ADAMTS12: variants seen among roughly 807,000 people sequenced by gnomAD.
ADAMTS12 encodes the protein A disintegrin and metalloproteinase with thrombospondin motifs 12.
Under a neutral mutation model 167.8 loss-of-function variants are expected in ADAMTS12, and 118 were observed. The ratio of observed to expected loss-of-function variants is 0.70; its 90% CI spans 0.61 to 0.82. ADAMTS12 has a LOEUF of 0.82. Among genes scored for constraint, ADAMTS12 ranks in the 40% least tolerant of loss-of-function variants. The pLI is 0.00. For missense variants in ADAMTS12, 1,916 were observed against 1,998.8 expected (o/e 0.96, Z 0.79); for synonymous variants, 704 against 716.9 (o/e 0.98, Z 0.29).
rs146681965 is a variant in ADAMTS12, at chr5:33,577,088, C to A, written c.2938G>T (p.Asp980Tyr). 180 of 1,614,072 alleles carry A rather than the reference C, an allele frequency of 1.1e-4. No individual in the cohort carries two copies. The highest frequency in any genetic ancestry group is 1.4e-4 in the Non-Finnish European group (164 of 1,180,026). Residue 980 changes from aspartate to tyrosine, a missense_variant, in exon 19 of 24, where the codon GAT becomes TAT. By Grantham distance (160) the Asp-to-Tyr change is radical. Coordinates refer to ENST00000504830, the MANE Select transcript of ADAMTS12 (RefSeq NM_030955.4). The part of the protein sequence containing the change: ...TCAKNHDEPC[D>Y]VTRKPNSRAL... Reference sequence around the variant, plus strand: ...CGGCTGTTGGGTTTCCTTGTCACATCGCAAGGTTCATCATGGTTCTTGGCA... The same window carrying A: ...CGGCTGTTGGGTTTCCTTGTCACATAGCAAGGTTCATCATGGTTCTTGGCA...
At position 33,597,083 on chromosome 5, in the gene ADAMTS12, C is replaced by A. The variant is rs778489921; in HGVS notation, c.2528-1023G>T. Among the ~76,000 whole-genome samples the A allele has an allele frequency of 3.9e-5, 6 of 152,242 alleles. No individual in the cohort carries two copies. The South Asian group carries it at 6.2e-4, about 16-fold the overall frequency. On this transcript the variant is annotated intron_variant, in intron 16 of 23. Coordinates refer to ENST00000504830, the MANE Select transcript of ADAMTS12 (RefSeq NM_030955.4). ...AAACCTCTCAACAACCCAATGAAAT[C>A]AGCACCGTCATTATCATTATCTGAC...
Position 33,881,118 on chromosome 5 carries a change from C to A in ADAMTS12, c.489+1G>T, listed in dbSNP as rs1561325366. On this transcript the variant is annotated splice_donor_variant, in intron 2 of 23. Coordinates refer to ENST00000504830, the MANE Select transcript of ADAMTS12 (RefSeq NM_030955.4). LOFTEE classifies it high-confidence loss of function. ...AAGGAGATGCCAGAGCCCACACTCA[C>A]CAGTCCATGGCAGGCACTGAGGGCT... 1 of 1,612,424 alleles carries A rather than the reference C, an allele frequency of 6.2e-7. No individual in the cohort carries two copies. The highest frequency in any genetic ancestry group is 2.2e-5 in the East Asian group (1 of 44,864).
At chr5:33,782,422 A>G (rs1746167120) in intron 2 of ADAMTS12, among the ~76,000 whole-genome samples, 1 of 152,146 alleles carries the variant, frequency 6.6e-6, no homozygotes, top group Non-Finnish European at 1.5e-5. Context: ...AAATAAACAG[A>G]TGTAAATCCA....
At chr5:33,826,037 C>T (rs536616134) in intron 2 of ADAMTS12, among the ~76,000 whole-genome samples, 6 of 152,182 alleles carry the variant, frequency 3.9e-5, no homozygotes, top group South Asian at 4.2e-4. Flanking sequence ...CATTTGACTT[C>T]GTTATGTGAA....
intron 20 of ADAMTS12, 33 bp downstream of exon 20, chr5:33,560,994 A>G (rs1208251518): frequency 1.9e-6 from 3 of 1,609,060 alleles, no homozygotes; most frequent in East Asian, 2.2e-5. Context: ...CACCTTCTCT[A>G]CCTCCAAGAC....
chr5:33,643,740 CTA>C (rs1423709413), intron 9 of ADAMTS12, among the ~76,000 whole-genome samples: 8 of 152,188 alleles, frequency 5.3e-5, no homozygotes, highest in Admixed American at 2.0e-4. Context: ...ATGGTCATTT[CTA>C]TATGTTTGGC....
At chr5:33,676,654 T>A (rs1231017684) in intron 5 of ADAMTS12, among the ~76,000 whole-genome samples, 1 of 149,262 alleles carries the variant, frequency 6.7e-6, no homozygotes, top group Non-Finnish European at 1.5e-5. Flanking sequence ...CACTCCAGCC[T>A]GCTTGACAGA....
chr5:33,871,503 A>C (rs551951259), intron 2 of ADAMTS12, among the ~76,000 whole-genome samples: 1 of 152,278 alleles, frequency 6.6e-6, no homozygotes, highest in East Asian at 1.9e-4. Flanking sequence ...AGAATTGTAC[A>C]CCATGACCAA....
In ADAMTS12 at chr5:33,629,359, AC is replaced by A. The variant is rs1256606194; in HGVS notation, c.2022+1420del. Reference sequence around the variant, plus strand: ...GGGAATAATTTTGTCCAGTGGAAAAACATATTATAAATATTTTTAAAAAACA... The same window carrying A: ...GGGAATAATTTTGTCCAGTGGAAAAAATATTATAAATATTTTTAAAAAACA... On this transcript the variant is annotated intron_variant, in intron 13 of 23. Coordinates refer to ENST00000504830, the MANE Select transcript of ADAMTS12 (RefSeq NM_030955.4). 1.1e-4 allele frequency among the ~76,000 whole-genome samples: 15 copies of A among 134,904 alleles called. No individual in the cohort carries two copies. The East Asian group carries it at 3.2e-3, about 29-fold the overall frequency. 88.5% of individuals were successfully genotyped at this position (134,904 alleles called of 152,430 possible). A position where few individuals can be genotyped will look rare whatever the true frequency, so the allele number is the denominator to read the frequency against.
intron 23 of ADAMTS12, among the ~76,000 whole-genome samples, chr5:33,528,595 C>T (rs902860945): frequency 3.9e-5 from 6 of 152,138 alleles, no homozygotes; most frequent in Admixed American, 2.0e-4. Context: ...TCACAAATGA[C>T]GAAAGTAAGG....
At position 33,648,690 on chromosome 5, in the gene ADAMTS12, C is replaced by T. The variant is rs180710197; in HGVS notation, c.1479+132G>A. 7 of 1,153,692 alleles carry T rather than the reference C, an allele frequency of 6.1e-6. No individual in the cohort carries two copies. The African/African-American group carries it at 9.2e-5, about 15-fold the overall frequency. The allele number at this position is 1,153,692 out of a possible 1,614,324, so 71.5% of individuals were successfully genotyped here. ...GCTTAATTGTTTTCCCTTACAGACA[C>T]ACCTTGCCTTAAATATAAAGCTTCT... On this transcript the variant is annotated intron_variant, in intron 9 of 23. Transcript: ENST00000504830.
chr5:33,532,230 A>G (rs1403137724), intron 23 of ADAMTS12, among the ~76,000 whole-genome samples: 4 of 152,180 alleles, frequency 2.6e-5, no homozygotes, highest in East Asian at 1.9e-4. Flanking sequence ...TTGAAAAACA[A>G]TTTCAATGTT....
chr5:33,782,481 C>A (rs10472895), intron 2 of ADAMTS12, among the ~76,000 whole-genome samples: 1 of 151,776 alleles, frequency 6.6e-6, no homozygotes, highest in Non-Finnish European at 1.5e-5. Flanking sequence ...ACACTCAATT[C>A]AAAAAACAGA....
chr5:33,876,428 G>A (rs973965854), intron 2 of ADAMTS12, among the ~76,000 whole-genome samples: 2 of 152,188 alleles, frequency 1.3e-5, no homozygotes, highest in Non-Finnish European at 2.9e-5. Context: ...GTGTGCTATT[G>A]ATGGAACAAA....
At chr5:33,613,181 G>A (rs1357925287) in intron 16 of ADAMTS12, among the ~76,000 whole-genome samples, 1 of 152,170 alleles carries the variant, frequency 6.6e-6, no homozygotes, top group East Asian at 1.9e-4. Context: ...TCCTAGTTTT[G>A]CAGGTTGCAG....
At chr5:33,743,741 A>G (rs925762915) in intron 3 of ADAMTS12, among the ~76,000 whole-genome samples, 21 of 151,626 alleles carry the variant, frequency 1.4e-4, no homozygotes, top group African/African-American at 5.1e-4. Flanking sequence ...CCATCCACCC[A>G]CCCTTCTTTC....
rs776118121 is a variant in ADAMTS12, at chr5:33,576,498, T to C, written c.3528A>G (p.Ile1176Met). 1.1e-5 allele frequency: 17 copies of C among 1,610,304 alleles called. No individual in the cohort carries two copies. Among genetic ancestry groups the C allele is most frequent in the East Asian group, 2.2e-5 (1 of 44,876 alleles). ...PEDKDESNPVIWTKIRVPGND... is the reference protein window; with the variant it reads ...PEDKDESNPVMWTKIRVPGND... Reference sequence around the variant, plus strand: ...TTCCAGGTACTCTGATCTTGGTCCATATTACAGGATTGCTTTCATCTTTGT... The same window carrying C: ...TTCCAGGTACTCTGATCTTGGTCCACATTACAGGATTGCTTTCATCTTTGT... The change falls in exon 19 of 24, where the codon ATA becomes ATG. Residue 1176 changes from isoleucine (I) to methionine (M), a missense_variant. Transcript: ENST00000504830.
At chr5:33,679,929 T>G (rs1742048277) in intron 5 of ADAMTS12, among the ~76,000 whole-genome samples, 1 of 152,226 alleles carries the variant, frequency 6.6e-6, no homozygotes, top group Non-Finnish European at 1.5e-5. Flanking sequence ...CCTCACACTC[T>G]GCTTCCTGTG....
intron 2 of ADAMTS12, among the ~76,000 whole-genome samples, chr5:33,754,099 G>A (rs947481901): frequency 7.9e-5 from 12 of 152,070 alleles, no homozygotes; most frequent in African/African-American, 2.4e-4. Flanking sequence ...TAGTACCCAG[G>A]TGGGCCCAGT....
Sources: allele counts gnomAD v4.1 joint callset (sites outside exome capture counted in the v4.1 genomes callset), GRCh38; gene constraint gnomAD v4.1.1; transcripts MANE v1.5; gene names NCBI Gene and HGNC (gene_info 2026-07-23, HGNC 2026-07-21).